ARK2C: variants seen among roughly 807,000 people sequenced by gnomAD.
ARK2C encodes the protein E3 ubiquitin-protein ligase ARK2C.
the ARK2C span, among the ~76,000 whole-genome samples, chr18:46,411,348 C>T: frequency 1.3e-5 from 2 of 152,190 alleles, no homozygotes; most frequent in African/African-American, 2.4e-5. Flanking sequence ...CTAGAGGCCT[C>T]TGTACTTGGC....
the ARK2C span, chr18:46,460,252 T>C: frequency 0.053 from 8,087 of 152,754 alleles, 293 homozygotes; most frequent in Non-Finnish European, 0.075. Flanking sequence ...CCCCCGCCTG[T>C]AGGCGGGACA....
At chr18:46,446,443 G>A in the ARK2C span, among the ~76,000 whole-genome samples, 1 of 151,914 alleles carries the variant, frequency 6.6e-6, no homozygotes, top group Non-Finnish European at 1.5e-5. Flanking sequence ...TACCGAGGTG[G>A]GTGGATCACT....
At chr18:46,386,139 G>A in the ARK2C span, 3 of 152,176 alleles carry the variant, frequency 2.0e-5, no homozygotes, top group African/African-American at 7.2e-5. Flanking sequence ...ATGTTCTCAG[G>A]GAAATGCTGT....
the ARK2C span, chr18:46,447,633 C>A: frequency 2.5e-6 from 4 of 1,614,126 alleles, no homozygotes; most frequent in South Asian, 4.4e-5. Flanking sequence ...GCACTATCAG[C>A]ATTACCTAGC....
chr18:46,367,692 C>G, the ARK2C span, among the ~76,000 whole-genome samples: 1 of 152,188 alleles, frequency 6.6e-6, no homozygotes, highest in African/African-American at 2.4e-5. Context: ...CTCTACCAAA[C>G]TGGCCTCGGT....
At chr18:46,443,156 T>C in the ARK2C span, among the ~76,000 whole-genome samples, 1 of 152,208 alleles carries the variant, frequency 6.6e-6, no homozygotes, top group African/African-American at 2.4e-5. Context: ...GAATTAAATC[T>C]GCCATCTTGC....
At chr18:46,388,845 C>T in the ARK2C span, among the ~76,000 whole-genome samples, 3 of 151,946 alleles carry the variant, frequency 2.0e-5, no homozygotes, top group Admixed American at 6.6e-5. Context: ...GTGAAAATTT[C>T]ACACCCCACT....
chr18:46,343,301 T>A, the ARK2C span, among the ~76,000 whole-genome samples: 1 of 152,356 alleles, frequency 6.6e-6, no homozygotes, highest in Non-Finnish European at 1.5e-5. Context: ...TTGAATAAAC[T>A]ATTCTGAGAC....
the ARK2C span, among the ~76,000 whole-genome samples, chr18:46,349,387 C>T: frequency 3.9e-3 from 599 of 152,250 alleles, 2 homozygotes; most frequent in African/African-American, 0.013. Context: ...TCTTTTATAA[C>T]GGCACTAATT....
chr18:46,401,104 C>G, the ARK2C span, among the ~76,000 whole-genome samples: 2 of 152,116 alleles, frequency 1.3e-5, no homozygotes, highest in African/African-American at 4.8e-5. Flanking sequence ...GGGACACAAG[C>G]TTGGAGCCTA....
chr18:46,432,970 A>ATAAATAAATAAATAAATAAAT, the ARK2C span, among the ~76,000 whole-genome samples: 1 of 152,062 alleles, frequency 6.6e-6, no homozygotes, highest in African/African-American at 2.4e-5. Context: ...AAATAAATAA[A>ATAAATAAATAAATAAATAAAT]AAATAAAGAT....
At chr18:46,415,328 G>A in the ARK2C span, among the ~76,000 whole-genome samples, 1 of 152,054 alleles carries the variant, frequency 6.6e-6, no homozygotes, top group African/African-American at 2.4e-5. Context: ...AGACCACCCT[G>A]GCTAACACGG....
At chr18:46,361,128 AT>A in the ARK2C span, among the ~76,000 whole-genome samples, 1 of 152,112 alleles carries the variant, frequency 6.6e-6, no homozygotes, top group African/African-American at 2.4e-5. Flanking sequence ...GTGTAAAAAA[AT>A]TTTTTTAACC....
At chr18:46,334,671 CGTGTGTGTGTGTGTGTGTGTGTGTGT>C in the ARK2C span, 1 of 303,578 alleles carries the variant, frequency 3.3e-6, no homozygotes. The surrounding 1 kb of genome is among the most constrained non-coding windows in gnomAD (Gnocchi z 4.4). Context: ...GATACATGAC[CGTGTGTGTGTGTGTGTGTGTGTGTGT>C]GTGTGTGTGT....
the ARK2C span, among the ~76,000 whole-genome samples, chr18:46,345,116 C>A: frequency 7.2e-6 from 1 of 138,790 alleles, no homozygotes; most frequent in Non-Finnish European, 1.5e-5. Context: ...GGGGTGCCTG[C>A]GATGCAGGGC....
chr18:46,362,699 T>C, the ARK2C span, among the ~76,000 whole-genome samples: 1 of 152,256 alleles, frequency 6.6e-6, no homozygotes, highest in East Asian at 1.9e-4. Context: ...CAAAGAATAA[T>C]GCCCTGCGAC....
chr18:46,379,146 C>T, the ARK2C span, among the ~76,000 whole-genome samples: 1 of 152,218 alleles, frequency 6.6e-6, no homozygotes, highest in South Asian at 2.1e-4. Context: ...CCAGGCCCCC[C>T]AACCCTCTGA....
chr18:46,419,196 C>T, the ARK2C span, among the ~76,000 whole-genome samples: 1 of 152,168 alleles, frequency 6.6e-6, no homozygotes, highest in Non-Finnish European at 1.5e-5. Context: ...TATTTTACTA[C>T]AGACGGCACT....
At chr18:46,363,566 C>T in the ARK2C span, among the ~76,000 whole-genome samples, 14 of 152,332 alleles carry the variant, frequency 9.2e-5, no homozygotes, top group Admixed American at 7.8e-4. Flanking sequence ...AAACCTCCCT[C>T]CTGTGTGCTG....
Sources: gnomAD v4.1 joint callset for allele counts (sites outside exome capture counted in the v4.1 genomes callset) on GRCh38, gnomAD v4.1.1 for gene constraint, Gnocchi (gnomAD v3.1) non-coding constraint, MANE v1.5 for transcripts, NCBI Gene and HGNC (gene_info 2026-07-23, HGNC 2026-07-21) for gene names.